The following MEGF11 variants were observed in gnomAD, a reference collection of about 807,000 sequenced individuals.
MEGF11 encodes the protein multiple EGF like domains 11.
Under a neutral mutation model 146.6 loss-of-function variants are expected in MEGF11, and 126 were observed. The observed-to-expected ratio is 0.86, with a 90% CI of 0.74 to 1.00. The LOEUF (loss-of-function observed/expected upper bound fraction) is 1.00, where lower values mean the gene tolerates loss of function less well. Among genes scored for constraint, MEGF11 ranks in the 50% least tolerant of loss-of-function variants. MEGF11 has a pLI of 0.00. For missense variants in MEGF11, 1,509 were observed against 1,521.2 expected (o/e 0.99, Z 0.13); for synonymous variants, 532 against 583.4 (o/e 0.91, Z 1.27).
At chr15:66,051,354 T>G (rs1454534773) in intron 5 of MEGF11, among the ~76,000 whole-genome samples, 1 of 151,930 alleles carries the variant, frequency 6.6e-6, no homozygotes, top group Non-Finnish European at 1.5e-5. Flanking sequence ...CCATTCAGAC[T>G]AAAGAGGCTG....
intron 4 of MEGF11, among the ~76,000 whole-genome samples, chr15:66,096,156 C>A (rs1213200784): frequency 6.6e-6 from 1 of 152,206 alleles, no homozygotes; most frequent in Non-Finnish European, 1.5e-5. Context: ...CTCATCCCCA[C>A]CCCCACAGGC....
intron 5 of MEGF11, among the ~76,000 whole-genome samples, chr15:66,050,050 C>T (rs2084387770): frequency 6.6e-6 from 1 of 152,234 alleles, no homozygotes; most frequent in South Asian, 2.1e-4. Context: ...ACCTACATTC[C>T]GTGTTAAAAA....
chr15:66,077,909 G>A (rs1490082799), intron 5 of MEGF11, among the ~76,000 whole-genome samples: 1 of 152,222 alleles, frequency 6.6e-6, no homozygotes, highest in Non-Finnish European at 1.5e-5. Flanking sequence ...AGCCAGGCAG[G>A]TGCCACATCC....
At chr15:66,200,409 G>T (rs1370849346) in intron 1 of MEGF11, among the ~76,000 whole-genome samples, 2 of 152,184 alleles carry the variant, frequency 1.3e-5, no homozygotes, top group Non-Finnish European at 2.9e-5. Context: ...ATTGATTCCT[G>T]CTTGCTTACA....
intron 25 of MEGF11, chr15:65,898,425 G>C: frequency 1.0e-6 from 1 of 985,430 alleles, no homozygotes; most frequent in South Asian, 4.7e-5. Context: ...TTTAAAATGA[G>C]ATTTGTATCA....
intron 10 of MEGF11, among the ~76,000 whole-genome samples, chr15:65,933,814 G>A (rs1433670982): frequency 6.6e-6 from 1 of 152,130 alleles, no homozygotes; most frequent in African/African-American, 2.4e-5. Context: ...GGCAATTTAC[G>A]ACATCCCCTG....
chr15:66,029,158 T>G (rs2083435417), intron 5 of MEGF11, among the ~76,000 whole-genome samples: 1 of 149,368 alleles, frequency 6.7e-6, no homozygotes, highest in South Asian at 2.1e-4. Context: ...ATTGCCTTGT[T>G]TTTTTTTTTG....
At chr15:65,945,895 T>G (rs28535208) in intron 10 of MEGF11, among the ~76,000 whole-genome samples, 14,788 of 152,258 alleles carry the variant, frequency 0.097, 720 homozygotes, top group African/African-American at 0.13. Context: ...GTCAAGCTCA[T>G]GGACTATGCA....
At chr15:66,160,559 A>G (rs962396152) in intron 1 of MEGF11, among the ~76,000 whole-genome samples, 1 of 151,986 alleles carries the variant, frequency 6.6e-6, no homozygotes, top group Non-Finnish European at 1.5e-5. Context: ...TATCACATCC[A>G]TGAGGGTAAG....
intron 4 of MEGF11, among the ~76,000 whole-genome samples, chr15:66,108,972 C>G (rs1294008122): frequency 6.6e-6 from 1 of 152,166 alleles, no homozygotes; most frequent in Non-Finnish European, 1.5e-5. Flanking sequence ...AGAGGCCGCC[C>G]GGTGCAGATG....
chr15:66,114,032 T>G (rs886555485), intron 4 of MEGF11, among the ~76,000 whole-genome samples: 2 of 152,166 alleles, frequency 1.3e-5, no homozygotes, highest in African/African-American at 2.4e-5. Flanking sequence ...GGCCCAGCAG[T>G]CTGTGGTATA....
At chr15:66,083,177 T>C (rs2085967566) in intron 5 of MEGF11, among the ~76,000 whole-genome samples, 1 of 152,204 alleles carries the variant, frequency 6.6e-6, no homozygotes, top group Non-Finnish European at 1.5e-5. Context: ...GTCATAGGTT[T>C]TGGGGCTATA....
intron 1 of MEGF11, among the ~76,000 whole-genome samples, chr15:66,207,640 A>G (rs778993316): frequency 3.3e-5 from 5 of 152,382 alleles, no homozygotes; most frequent in African/African-American, 4.8e-5. Flanking sequence ...GTAACTACAT[A>G]GGTAATTATA....
intron 7 of MEGF11, among the ~76,000 whole-genome samples, chr15:65,979,601 G>C (rs1426252909): frequency 6.6e-6 from 1 of 152,228 alleles, no homozygotes; most frequent in East Asian, 1.9e-4. Context: ...AGGAAGGTCA[G>C]CTTCAGCTGA....
At chr15:65,898,343 G>T in intron 25 of MEGF11, 1 of 985,396 alleles carries the variant, frequency 1.0e-6, no homozygotes, top group Non-Finnish European at 1.2e-6. Flanking sequence ...TTACCAGTGA[G>T]CCCAGGGACA....
intron 9 of MEGF11, among the ~76,000 whole-genome samples, chr15:65,958,690 G>A (rs2080748878): frequency 6.6e-6 from 1 of 152,210 alleles, no homozygotes. Flanking sequence ...TGTGGGTTAA[G>A]ACTCTTTCTC....
intron 1 of MEGF11, among the ~76,000 whole-genome samples, chr15:66,240,432 G>A (rs541975909): frequency 6.6e-6 from 1 of 152,354 alleles, no homozygotes; most frequent in African/African-American, 2.4e-5. Context: ...ACGCAGGCCT[G>A]TTGCCTGTCA....
At chr15:65,906,632 CTCTGGTCCTG>C (rs2078636731) in intron 23 of MEGF11, 1 of 153,482 alleles carries the variant, frequency 6.5e-6, no homozygotes, top group Non-Finnish European at 1.5e-5. Flanking sequence ...CACCTCTCAG[CTCTGGTCCTG>C]TCTGTCCTCT....
chr15:66,021,245 G>C (rs1157867085), intron 5 of MEGF11, among the ~76,000 whole-genome samples: 1 of 152,122 alleles, frequency 6.6e-6, no homozygotes, highest in Non-Finnish European at 1.5e-5. Flanking sequence ...ACAAAAAGTA[G>C]AGGAAGGTTG....
Sources: allele counts gnomAD v4.1 joint callset (sites outside exome capture counted in the v4.1 genomes callset), GRCh38; gene constraint gnomAD v4.1.1; transcripts MANE v1.5; gene names NCBI Gene and HGNC (gene_info 2026-07-23, HGNC 2026-07-21).